SEC24C: variants seen among roughly 807,000 people sequenced by gnomAD.
SEC24C encodes protein transport protein Sec24C.
In SEC24C, 22 loss-of-function variants were observed where a neutral mutation model predicts 117.0. The observed-to-expected ratio is 0.19, with a 90% CI of 0.13 to 0.27. The LOEUF (loss-of-function observed/expected upper bound fraction) is 0.27. Among genes scored for constraint, SEC24C ranks in the 10% least tolerant of loss-of-function variants. The probability of loss-of-function intolerance (pLI) is 1.00; values close to 1 mark genes in which losing one functional copy is unlikely to be tolerated. For missense variants in SEC24C, 1,155 were observed against 1,375.1 expected (o/e 0.84, Z 2.53); for synonymous variants, 506 against 529.4 (o/e 0.96, Z 0.61).
At position 73,769,381 on chromosome 10, in the gene SEC24C, G is replaced by A. The variant is rs561152217; in HGVS notation, c.2459G>A (p.Arg820His). ...CTTTACACCAGCTGTGCAGGGCAGCGTCGGCTCCGCATCCATAATCTGGCC... is the reference window on the plus strand; with the variant it reads ...CTTTACACCAGCTGTGCAGGGCAGCATCGGCTCCGCATCCATAATCTGGCC... Reference protein sequence around the residue: ...ALLYTSCAGQRRLRIHNLALN... With the variant: ...ALLYTSCAGQHRLRIHNLALN... The change falls in exon 18 of 23, where the codon CGT becomes CAT. Residue 820 changes from arginine to histidine, a missense_variant. Physicochemically the swap from Arg to His is conservative, Grantham distance 29 (BLOSUM62 0). This residue lies in a region of SEC24C where 759 missense variants were observed against 992.3 expected (regional missense o/e 0.76). Coordinates refer to ENST00000345254, the MANE Select transcript of SEC24C (RefSeq NM_198597.3). The surrounding 1 kb of genome is among the most constrained non-coding windows in gnomAD (Gnocchi z 4.5). The A allele has an allele frequency of 1.9e-6, 3 of 1,614,048 alleles. No homozygotes were observed. The highest frequency in any genetic ancestry group is 2.2e-5 in the South Asian group (2 of 91,036).
At position 73,768,802 on chromosome 10, in the gene SEC24C, G is replaced by T; in HGVS notation, c.2182-8G>T. On this transcript the variant is annotated splice_region_variant and splice_polypyrimidine_tract_variant and intron_variant, in intron 15 of 22. Transcript: ENST00000345254. ...CAGTGACATGACTCTGGACCTGGGG[G>T]CCTGCAGGTGGAGAACGACCAGGAG... The T allele has an allele frequency of 6.2e-7, 1 of 1,612,754 alleles. No individual in the cohort carries two copies. The highest frequency in any genetic ancestry group is 1.3e-5 in the African/African-American group (1 of 75,006).
At chr10:73,763,699 T>TTTA in intron 7 of SEC24C, 98 bp downstream of exon 7, 1 of 635,634 alleles carries the variant, frequency 1.6e-6, no homozygotes, top group Non-Finnish European at 2.3e-6. Flanking sequence ...TTTTTTTTTT[T>TTTA]AGTTTTTAAC....
chr10:73,760,530 T>TG (rs1164363450), intron 5 of SEC24C, 144 bp downstream of exon 5: 103 of 1,200,706 alleles, frequency 8.6e-5, no homozygotes, highest in Non-Finnish European at 1.1e-4. Flanking sequence ...TCCTAGGATA[T>TG]GGGGTTTGTA....
intron 15 of SEC24C, 27 bp from the exon 16 acceptor site, chr10:73,768,783 C>G (rs1462358164): frequency 6.2e-7 from 1 of 1,608,482 alleles, no homozygotes; most frequent in Non-Finnish European, 8.5e-7. Context: ...TAGTCAGTGA[C>G]ATGACTCTGG....
At chr10:73,763,680 T>TTTTTA in intron 7 of SEC24C, 79 bp downstream of exon 7, 1 of 695,234 alleles carries the variant, frequency 1.4e-6, no homozygotes, top group African/African-American at 2.0e-5. Flanking sequence ...TTTTTTTTTT[T>TTTTTA]TTTTTTTTTT....
chr10:73,766,356 TG>T lies in SEC24C; in HGVS notation c.1618del (p.Ala540GlnfsTer22). ...SLLDFLPREGGAEESAIRVGF... is the reference protein window; with the variant it reads ...SLLDFLPREGXAEESAIRVGF... ...ACAATGTCACCTTCTACAGGGAGGG[TG>T]GGGCAGAAGAGTCAGCAATCCGCGT... On this transcript the variant is annotated frameshift_variant, in exon 12 of 23. Transcript: ENST00000345254. LOFTEE classifies it high-confidence loss of function. 1 of 1,599,630 alleles carries T rather than the reference TG, an allele frequency of 6.3e-7. No individual in the cohort carries two copies. The highest frequency in any genetic ancestry group is 1.3e-5 in the African/African-American group (1 of 74,608).
At position 73,766,165 on chromosome 10, in the gene SEC24C, G is replaced by T; in HGVS notation, c.1562G>T (p.Arg521Met). The T allele has an allele frequency of 6.2e-7, 1 of 1,613,764 alleles. No homozygotes were observed. Among genetic ancestry groups the T allele is most frequent in the South Asian group, 1.1e-5 (1 of 91,058 alleles). The change falls in exon 11 of 23, where the codon AGG becomes ATG. Residue 521 changes from arginine (R) to methionine (M), a missense_variant. By Grantham distance (91) the Arg-to-Met change is moderately conservative. Around this residue, in one of 2 missense-constraint regions of SEC24C, gnomAD observed 759 missense variants for 992.3 expected, o/e 0.76. Transcript: ENST00000345254. ...AATGCCATCAGGACTGGTCTTGTTA[G>T]GCTCCTCTGTGAGGAGCTCAAGTCA... ...SYNAIRTGLV[R>M]LLCEELKSLL...
chr10:73,744,754 T>G (rs12573448), intron 1 of SEC24C, among the ~76,000 whole-genome samples: 18,024 of 152,140 alleles, frequency 0.12, 1,186 homozygotes, highest in South Asian at 0.2. Flanking sequence ...GTTTTGATCC[T>G]CGGCTCTCCG....
chr10:73,744,773 T>A (rs943536950), intron 1 of SEC24C, among the ~76,000 whole-genome samples: 4 of 152,172 alleles, frequency 2.6e-5, no homozygotes, highest in Non-Finnish European at 4.4e-5. Flanking sequence ...CGAGGCTCCA[T>A]GGCTTGACTA....
chr10:73,765,412 T>A, intron 8 of SEC24C, 39 bp from the exon 9 acceptor site: 1 of 1,590,570 alleles, frequency 6.3e-7, no homozygotes, highest in Non-Finnish European at 8.6e-7. Context: ...CCTACTGTGG[T>A]TTTCCTTTAT....
rs2082978124 is a variant in SEC24C at position 73,771,241 on chromosome 10, C to A, written c.*146C>A. On this transcript the variant is annotated 3_prime_UTR_variant, in exon 23 of 23. Coordinates refer to ENST00000345254, the MANE Select transcript of SEC24C (RefSeq NM_198597.3). ...GGAGATATAAGGAGACACCTTCTTT[C>A]TGGGCTCAAGTATCCTGCCACTCTG... The A allele has an allele frequency of 4.4e-6, 4 of 908,696 alleles. No individual in the cohort carries two copies. The highest frequency in any genetic ancestry group is 4.9e-6 in the Non-Finnish European group (3 of 609,514). The allele number at this position is 908,696 out of a possible 1,614,324, so 56.3% of individuals were successfully genotyped here.
In SEC24C at chr10:73,765,668, G is replaced by A. The variant is rs1043511884; in HGVS notation, c.1366+79G>A. The A allele has an allele frequency of 7.6e-6, 12 of 1,587,824 alleles. No homozygotes were observed. The African/African-American group carries it at 1.6e-4, about 21-fold the overall frequency. ...TTCTCTATTAAATAGTTAGAGAGATGAGGGTCCATCTTTCAGGAGCTGGGG... is the reference window on the plus strand; with the variant it reads ...TTCTCTATTAAATAGTTAGAGAGATAAGGGTCCATCTTTCAGGAGCTGGGG... On this transcript the variant is annotated intron_variant, in intron 9 of 22. Coordinates refer to ENST00000345254, the MANE Select transcript of SEC24C (RefSeq NM_198597.3).
chr10:73,766,721 A>G (rs754734431), intron 12 of SEC24C, 39 bp from the exon 13 acceptor site: 17 of 1,569,450 alleles, frequency 1.1e-5, no homozygotes, highest in Non-Finnish European at 1.4e-5. Context: ...TGGAATCTGT[A>G]TAGCAATTTT....
intron 3 of SEC24C, chr10:73,752,084 A>G (rs947383127): frequency 1.3e-5 from 2 of 152,222 alleles, no homozygotes; most frequent in Non-Finnish European, 2.9e-5. Flanking sequence ...AGTCCATTAA[A>G]GGAGGGCAGT....
At chr10:73,751,874 G>C (rs2082646949) in intron 3 of SEC24C, 1 of 152,132 alleles carries the variant, frequency 6.6e-6, no homozygotes, top group Admixed American at 6.6e-5. Flanking sequence ...CTACCCTAAG[G>C]GAGAAATGGG....
Position 73,763,864 on chromosome 10 carries a change from A to G in SEC24C, c.1108A>G (p.Ser370Gly), listed in dbSNP as rs2082838226. ...NFLVKDQGNA[S>G]PRYIRCTSYN... ...TCTGCCTCCTTCTTCAGGGAATGCA[A>G]GTCCCCGATACATCCGATGTACATC... The change falls in exon 8 of 23, where the codon AGT becomes GGT. Residue 370 changes from serine (S) to glycine (G), a missense_variant. Physicochemically the swap from Ser to Gly is moderately conservative, Grantham distance 56. Around this residue, in one of 2 missense-constraint regions of SEC24C, gnomAD observed 759 missense variants for 992.3 expected, o/e 0.76. Coordinates refer to ENST00000345254, the MANE Select transcript of SEC24C (RefSeq NM_198597.3). The G allele has an allele frequency of 1.2e-6, 2 of 1,612,978 alleles. No individual in the cohort carries two copies. The highest frequency in any genetic ancestry group is 1.3e-5 in the African/African-American group (1 of 74,658).
intron 3 of SEC24C, among the ~76,000 whole-genome samples, chr10:73,753,299 G>A (rs926179326): frequency 6.6e-6 from 1 of 152,084 alleles, no homozygotes; most frequent in Admixed American, 6.5e-5. Flanking sequence ...TGATCCACCC[G>A]CCTCAGCCTT....
At chr10:73,766,568 G>T (rs561602518) in intron 12 of SEC24C, 27 bp downstream of exon 12, 2 of 1,588,146 alleles carry the variant, frequency 1.3e-6, no homozygotes, top group South Asian at 2.3e-5. Context: ...GGAGGTAAAG[G>T]TTGGGGGTGG....
rs750617493 is a variant in SEC24C at position 73,766,090 on chromosome 10, A to G, written c.1487A>G (p.Asn496Ser). 63 of 1,612,536 alleles carry G rather than the reference A, an allele frequency of 3.9e-5. No homozygotes were observed. The highest frequency in any genetic ancestry group is 4.9e-5 in the Non-Finnish European group (58 of 1,179,814). ...FLATVDYCKN[N>S]KFPSPPAFIF... The stretch of plus-strand genomic sequence containing the variant: ...CAACATTTTCTTCCTCTGCAGAACA[A>G]TAAGTTCCCCAGCCCTCCTGCCTTT... Residue 496 changes from asparagine (N) to serine (S), a missense_variant, in exon 11 of 23, where the codon AAT becomes AGT. Transcript: ENST00000345254.
Sources: gnomAD v4.1 joint callset for allele counts (sites outside exome capture counted in the v4.1 genomes callset) on GRCh38, gnomAD v4.1.1 for gene constraint, gnomAD v4.1.1 regional missense constraint, Gnocchi (gnomAD v3.1) non-coding constraint, MANE v1.5 for transcripts, NCBI Gene and HGNC (gene_info 2026-07-23, HGNC 2026-07-21) for gene names.